ZSWIM6: variants seen among roughly 807,000 people sequenced by gnomAD.
ZSWIM6 encodes zinc finger SWIM-type containing 6.
In ZSWIM6, 9 loss-of-function variants were observed where a neutral mutation model predicts 113.2. The observed-to-expected ratio is 0.08, with a 90% confidence interval of 0.05 to 0.14. ZSWIM6 has a LOEUF of 0.14. ZSWIM6 is among the 10% of genes least tolerant of loss of function. The pLI, the probability that ZSWIM6 is intolerant of heterozygous loss-of-function variation, is 1.00. For missense variants in ZSWIM6, 1,162 were observed against 1,552.2 expected (o/e 0.75, Z 4.22); for synonymous variants, 611 against 606.5 (o/e 1.01, Z -0.11).
chr5:61,509,809 T>G (rs1748730215), intron 4 of ZSWIM6, among the ~76,000 whole-genome samples: 1 of 152,204 alleles, frequency 6.6e-6, no homozygotes, highest in South Asian at 2.1e-4. Context: ...GTTACTGATT[T>G]TTGTTTAATA....
At chr5:61,498,844 C>T (rs1748388403) in intron 4 of ZSWIM6, among the ~76,000 whole-genome samples, 1 of 152,106 alleles carries the variant, frequency 6.6e-6, no homozygotes, top group Non-Finnish European at 1.5e-5. Flanking sequence ...AAGTAAGATT[C>T]TAAAGGCTCT....
At chr5:61,420,358 T>C (rs1176820416) in intron 1 of ZSWIM6, among the ~76,000 whole-genome samples, 6 of 152,362 alleles carry the variant, frequency 3.9e-5, no homozygotes, top group Admixed American at 2.0e-4. Flanking sequence ...TTTAACAATA[T>C]TGTAGACATT....
chr5:61,372,845 G>T (rs756065286), intron 1 of ZSWIM6, among the ~76,000 whole-genome samples: 1 of 151,842 alleles, frequency 6.6e-6, no homozygotes, highest in African/African-American at 2.4e-5. Flanking sequence ...AATTAGCAGC[G>T]TCTTATCATT....
chr5:61,355,500 T>C (rs1389611139), intron 1 of ZSWIM6, among the ~76,000 whole-genome samples: 1 of 136,108 alleles, frequency 7.3e-6, no homozygotes, highest in Admixed American at 7.4e-5. Context: ...ACACACACTA[T>C]TAGATGGCAG....
rs1015329825 is a variant in ZSWIM6 at position 61,542,719 on chromosome 5, C to A, written c.2786-736C>A. Among the ~76,000 whole-genome samples, 6 of 152,066 alleles carry A rather than the reference C, an allele frequency of 3.9e-5. 1 individual carries two copies. The highest frequency in any genetic ancestry group is 3.9e-4 in the Admixed American group (6 of 15,266). On this transcript the variant is annotated intron_variant, in intron 13 of 13. Coordinates refer to ENST00000252744, the MANE Select transcript of ZSWIM6 (RefSeq NM_020928.2). ...AAGCTGGTCTCAATATAAAGATTAT[C>A]TTTACATCATTAAAGTCATGCTTTA...
intron 8 of ZSWIM6, among the ~76,000 whole-genome samples, chr5:61,530,544 T>C (rs1199270696): frequency 6.6e-6 from 1 of 152,162 alleles, no homozygotes; most frequent in East Asian, 1.9e-4. Context: ...AACTAGAAAA[T>C]CTAGTTTAGG....
intron 1 of ZSWIM6, among the ~76,000 whole-genome samples, chr5:61,458,131 T>G (rs777044848): frequency 1.3e-5 from 2 of 152,178 alleles, no homozygotes; most frequent in Non-Finnish European, 2.9e-5. Context: ...CCTCTGAGTA[T>G]GTAGATGCTT....
At chr5:61,412,058 TATGTTA>T (rs1746158840) in intron 1 of ZSWIM6, among the ~76,000 whole-genome samples, 4 of 152,254 alleles carry the variant, frequency 2.6e-5, no homozygotes, top group African/African-American at 7.2e-5. Context: ...TGATCTTTGT[TATGTTA>T]GCCTTGTAAC....
intron 1 of ZSWIM6, among the ~76,000 whole-genome samples, chr5:61,381,323 A>G (rs867976411): frequency 6.6e-6 from 1 of 152,238 alleles, no homozygotes. Context: ...AGTCCCTGCT[A>G]TGTGTATTCA....
At chr5:61,342,885 A>G (rs1215358321) in intron 1 of ZSWIM6, among the ~76,000 whole-genome samples, 1 of 152,130 alleles carries the variant, frequency 6.6e-6, no homozygotes, top group East Asian at 1.9e-4. Context: ...TTTTACTTGA[A>G]AAACTACTAC....
intron 1 of ZSWIM6, among the ~76,000 whole-genome samples, chr5:61,351,238 T>C (rs559652670): frequency 2.0e-5 from 3 of 152,352 alleles, no homozygotes; most frequent in Admixed American, 1.3e-4. Flanking sequence ...TTGTCTTCAC[T>C]TGGAACTCTA....
chr5:61,509,206 A>T (rs543329289), intron 4 of ZSWIM6, among the ~76,000 whole-genome samples: 1 of 152,202 alleles, frequency 6.6e-6, no homozygotes, highest in Non-Finnish European at 1.5e-5. Context: ...TTCATTTTTC[A>T]TAATATTTCA....
chr5:61,529,899 G>T (rs1290939655), intron 7 of ZSWIM6, among the ~76,000 whole-genome samples, 153 bp from the exon 8 acceptor site: 1 of 152,188 alleles, frequency 6.6e-6, no homozygotes, highest in Non-Finnish European at 1.5e-5. Flanking sequence ...GGTACCTTTT[G>T]ATTGGTTTCT....
intron 4 of ZSWIM6, among the ~76,000 whole-genome samples, chr5:61,517,955 C>T (rs1203171996): frequency 8.8e-6 from 1 of 113,540 alleles, no homozygotes; most frequent in Non-Finnish European, 1.7e-5. Context: ...CACCCCACAA[C>T]AGTCCCCAGA....
At chr5:61,537,459 A>C (rs1279439813) in intron 10 of ZSWIM6, among the ~76,000 whole-genome samples, 1 of 152,132 alleles carries the variant, frequency 6.6e-6, no homozygotes, top group Admixed American at 6.5e-5. Context: ...AAGGAAGGTC[A>C]TCTTCAGCAC....
At chr5:61,348,803 T>A (rs1191438157) in intron 1 of ZSWIM6, among the ~76,000 whole-genome samples, 3 of 152,174 alleles carry the variant, frequency 2.0e-5, no homozygotes, top group Non-Finnish European at 2.9e-5. Context: ...GTAAACCAGA[T>A]CCATTTAGAT....
rs1297939266 is a variant in ZSWIM6 at position 61,546,008 on chromosome 5, AAAAG to A, written c.*1692_*1695del. 5 of 152,338 alleles carry A rather than the reference AAAAG, an allele frequency of 3.3e-5. No homozygotes were observed. The highest frequency in any genetic ancestry group is 9.6e-5 in the African/African-American group (4 of 41,590). The allele number at this position is 152,338 out of a possible 1,614,324, so 9.4% of individuals were successfully genotyped here. On this transcript the variant is annotated 3_prime_UTR_variant, in exon 14 of 14. Coordinates refer to ENST00000252744, the MANE Select transcript of ZSWIM6 (RefSeq NM_020928.2). ...TTATTATAATAGGTAAAAAGAAAAA[AAAAG>A]GTTGTAATTCATCACCCATGTAAAC...
At chr5:61,442,523 A>T (rs1446929378) in intron 1 of ZSWIM6, among the ~76,000 whole-genome samples, 1 of 152,200 alleles carries the variant, frequency 6.6e-6, no homozygotes, top group East Asian at 1.9e-4. Context: ...TCTATCAAAG[A>T]CAGATCACAG....
At chr5:61,504,382 T>C (rs1355961766) in intron 4 of ZSWIM6, among the ~76,000 whole-genome samples, 1 of 152,202 alleles carries the variant, frequency 6.6e-6, no homozygotes, top group Non-Finnish European at 1.5e-5. Context: ...GTGATTATAC[T>C]ATCATACACA....
Sources: allele counts gnomAD v4.1 joint callset (sites outside exome capture counted in the v4.1 genomes callset), GRCh38; gene constraint gnomAD v4.1.1; transcripts MANE v1.5; gene names NCBI Gene and HGNC (gene_info 2026-07-23, HGNC 2026-07-21).